The following WDR1 variants were observed in gnomAD, a reference collection of about 807,000 sequenced individuals.
WDR1 encodes the protein WD repeat-containing protein 1.
In WDR1, 21 loss-of-function variants were observed where a neutral mutation model predicts 71.9. That is an observed-to-expected ratio of 0.29 (90% CI 0.21 to 0.42). The LOEUF (loss-of-function observed/expected upper bound fraction) is 0.42, where lower values mean the gene tolerates loss of function less well. WDR1 is among the 10% of genes least tolerant of loss of function. The pLI is 1.00. For synonymous variants in WDR1, 424 were observed against 347.4 expected (o/e 1.22, Z -2.45); for missense variants, 696 against 824.5 (o/e 0.84, Z 1.91).
intron 9 of WDR1, 123 bp from the exon 10 acceptor site, chr4:10,083,301 A>G (rs2109645946): frequency 1.6e-6 from 2 of 1,290,148 alleles, no homozygotes; most frequent in South Asian, 2.9e-5. Flanking sequence ...GGACATAACC[A>G]TTCCCCCTGG....
intron 5 of WDR1, chr4:10,092,799 G>C: frequency 6.0e-6 from 2 of 333,886 alleles, no homozygotes; most frequent in South Asian, 4.5e-5. Flanking sequence ...ACCTCCCGGG[G>C]AGTTCAGGGG....
intron 5 of WDR1, among the ~76,000 whole-genome samples, chr4:10,097,051 C>T (rs926022950): frequency 1.3e-5 from 2 of 152,228 alleles, no homozygotes; most frequent in Non-Finnish European, 2.9e-5. Flanking sequence ...GGCTCTCCTA[C>T]TTCAAATTCA....
At chr4:10,111,177 A>G (rs538127269) in intron 2 of WDR1, among the ~76,000 whole-genome samples, 1 of 152,320 alleles carries the variant, frequency 6.6e-6, no homozygotes, top group Admixed American at 6.5e-5. Context: ...AGTGGCCTTC[A>G]GAGCAGGGCT....
chr4:10,075,924 G>C, intron 14 of WDR1: 1 of 178,566 alleles, frequency 5.6e-6, no homozygotes, highest in South Asian at 1.3e-4. Flanking sequence ...CACAGGACTG[G>C]GGGGGCCACT....
rs1335971422 is a variant in WDR1 at position 10,097,732 on chromosome 4, G to C, written c.537C>G (p.Phe179Leu). The change falls in exon 5 of 15, where the codon TTC (phenylalanine) becomes TTG (leucine). Residue 179 changes from phenylalanine (F) to leucine (L), a missense_variant. By Grantham distance (22) the Phe-to-Leu change is conservative (BLOSUM62 0). Coordinates refer to ENST00000499869, the MANE Select transcript of WDR1 (RefSeq NM_017491.5). The part of the protein sequence containing the change: ...NCAAFFEGPP[F>L]KFKFTIGDHS... ...TTACGCCAATTGTGAACTTGAACTT[G>C]AATGGGGGTCCCTCAAAGAATGCCG... The C allele has an allele frequency of 6.2e-7, 1 of 1,609,296 alleles. No individual in the cohort carries two copies. The highest frequency in any genetic ancestry group is 1.3e-5 in the African/African-American group (1 of 74,760).
At chr4:10,116,052 G>C (rs1437512342) in intron 2 of WDR1, 61 bp downstream of exon 2, 2 of 1,579,470 alleles carry the variant, frequency 1.3e-6, no homozygotes, top group African/African-American at 1.4e-5. Context: ...AGAGGAAGGC[G>C]AATTATCCCA....
chr4:10,094,880 T>A (rs1431788260), intron 5 of WDR1: 1 of 152,242 alleles, frequency 6.6e-6, no homozygotes, highest in Non-Finnish European at 1.5e-5. Context: ...GAGTTCTGCT[T>A]CAGCTTGTAC....
chr4:10,088,220 T>C, intron 7 of WDR1, 73 bp downstream of exon 7: 3 of 1,388,150 alleles, frequency 2.2e-6, no homozygotes, highest in Non-Finnish European at 3.0e-6. Context: ...AACTCCGGAG[T>C]GAGTGTGGAT....
At chr4:10,107,405 C>T (rs1477356665) in intron 2 of WDR1, among the ~76,000 whole-genome samples, 4 of 152,200 alleles carry the variant, frequency 2.6e-5, no homozygotes, top group Admixed American at 6.5e-5. Flanking sequence ...CCACCCTCCA[C>T]CAAGCCGGTA....
At chr4:10,101,823 A>G (rs1343255195) in intron 3 of WDR1, among the ~76,000 whole-genome samples, 1 of 152,254 alleles carries the variant, frequency 6.6e-6, no homozygotes, top group African/African-American at 2.4e-5. Flanking sequence ...AGACACTTCT[A>G]AGAGCATTCG....
chr4:10,084,598 C>T, intron 8 of WDR1, 68 bp from the exon 9 acceptor site: 2 of 1,486,606 alleles, frequency 1.3e-6, no homozygotes, highest in Non-Finnish European at 1.9e-6. Context: ...ACCCGCTTTC[C>T]ACCAACGAAG....
intron 12 of WDR1, 21 bp downstream of exon 12, chr4:10,078,870 G>A (rs1218605354): frequency 1.2e-6 from 2 of 1,601,328 alleles, no homozygotes; most frequent in Non-Finnish European, 8.5e-7. Context: ...AGAGAGCACG[G>A]GGGAGAGGAA....
intron 3 of WDR1, 22 bp from the exon 4 acceptor site, chr4:10,099,161 G>T (rs765220256): frequency 7.0e-7 from 1 of 1,431,254 alleles, no homozygotes; most frequent in South Asian, 1.2e-5. Flanking sequence ...AGCGGGCGGG[G>T]GAGGGGGGGA....
At chr4:10,099,189 G>T (rs754001575) in intron 3 of WDR1, 50 bp from the exon 4 acceptor site, 1 of 1,183,858 alleles carries the variant, frequency 8.4e-7, no homozygotes, top group Non-Finnish European at 1.2e-6. Context: ...GTGGGGTAAA[G>T]GGCAGGGGGA....
At chr4:10,087,982 A>G (rs1711696878) in intron 7 of WDR1, 42 bp from the exon 8 acceptor site, 1 of 1,506,154 alleles carries the variant, frequency 6.6e-7, no homozygotes, top group Non-Finnish European at 8.9e-7. Flanking sequence ...AGAGGACTAC[A>G]GACTGGAGAG....
intron 3 of WDR1, among the ~76,000 whole-genome samples, chr4:10,099,969 A>C (rs905950044): frequency 2.6e-5 from 4 of 152,186 alleles, no homozygotes. Flanking sequence ...CGATCCTGTC[A>C]CCAAGTACCA....
Position 10,075,490 on chromosome 4 carries a change from A to T in WDR1, c.1715-6T>A. On this transcript the variant is annotated splice_region_variant and splice_polypyrimidine_tract_variant and intron_variant, in intron 14 of 14. Coordinates refer to ENST00000499869, the MANE Select transcript of WDR1 (RefSeq NM_017491.5). Reference sequence around the variant, plus strand: ...ATGGTGCAGCCGGTGTGCATCTGGGAAGAAAGGGTGCAATTTAACGAAAAG... The same window carrying T: ...ATGGTGCAGCCGGTGTGCATCTGGGTAGAAAGGGTGCAATTTAACGAAAAG... 2 of 1,613,728 alleles carry T rather than the reference A, an allele frequency of 1.2e-6. No homozygotes were observed. Among genetic ancestry groups the T allele is most frequent in the Non-Finnish European group, 1.7e-6 (2 of 1,179,788 alleles).
At chr4:10,093,468 G>A (rs1192751487) in intron 5 of WDR1, among the ~76,000 whole-genome samples, 3 of 152,254 alleles carry the variant, frequency 2.0e-5, no homozygotes, top group Admixed American at 6.5e-5. Flanking sequence ...CCTGCAAAGT[G>A]CCCTGGGGCA....
At chr4:10,078,039 G>A in intron 12 of WDR1, 113 bp from the exon 13 acceptor site, 2 of 1,280,120 alleles carry the variant, frequency 1.6e-6, no homozygotes, top group East Asian at 2.7e-5. Context: ...ACTGACTGCT[G>A]CTCTGCTGGG....
Sources: allele counts gnomAD v4.1 joint callset (sites outside exome capture counted in the v4.1 genomes callset), GRCh38; gene constraint gnomAD v4.1.1; transcripts MANE v1.5; gene names NCBI Gene and HGNC (gene_info 2026-07-23, HGNC 2026-07-21).